The following PACRGL variants were observed in gnomAD, a reference collection of about 807,000 sequenced individuals.
PACRGL encodes the protein PACRG-like protein.
Under a neutral mutation model 34.5 loss-of-function variants are expected in PACRGL, and 38 were observed. The observed-to-expected ratio is 1.10, with a 90% CI of 0.85 to 1.44. The LOEUF is 1.44. Ranked by LOEUF, PACRGL falls within the 40% of genes most tolerant of loss-of-function variation. The pLI is 0.00. For synonymous variants in PACRGL, 128 were observed against 100.1 expected (o/e 1.28, Z -1.66); for missense variants, 305 against 281.4 (o/e 1.08, Z -0.60).
rs1752145630 is a variant in PACRGL, at chr4:20,745,156, T to G, written c.*57-7409T>G. 2.0e-5 allele frequency among the ~76,000 whole-genome samples: 3 copies of G among 152,144 alleles called. No individual in the cohort carries two copies. The South Asian group carries it at 6.2e-4, about 32-fold the overall frequency. On this transcript the variant is annotated intron_variant, in intron 8 of 8. Coordinates refer to the PACRGL transcript ENST00000507634. ...TTGCAGCCCTACAGGGTCCCACCCT[T>G]AGGTTGTAGCCAGCCCCATCTCTGG...
intron 7 of PACRGL, among the ~76,000 whole-genome samples, chr4:20,714,504 A>G (rs1738861563): frequency 6.6e-6 from 1 of 152,050 alleles, no homozygotes; most frequent in African/African-American, 2.4e-5. Flanking sequence ...TTTACATTTA[A>G]AGTTAATATT....
intron 8 of PACRGL, among the ~76,000 whole-genome samples, chr4:20,745,055 G>A (rs985760504): frequency 4.6e-5 from 7 of 152,066 alleles, no homozygotes; most frequent in African/African-American, 1.7e-4. Context: ...TGCTAGGAAT[G>A]GTAGGACAGA....
At chr4:20,749,483 T>C (rs1311596880) in intron 8 of PACRGL, among the ~76,000 whole-genome samples, 3 of 152,146 alleles carry the variant, frequency 2.0e-5, no homozygotes, top group Non-Finnish European at 4.4e-5. Context: ...ATAAACTGAA[T>C]GTGGCTTGCA....
intron 8 of PACRGL, among the ~76,000 whole-genome samples, chr4:20,743,427 G>A (rs1490259845): frequency 6.6e-6 from 1 of 152,108 alleles, no homozygotes; most frequent in Non-Finnish European, 1.5e-5. Context: ...CAGAGATATA[G>A]ACCAATGGAA....
At chr4:20,704,415 A>T in intron 1 of PACRGL, 51 bp from the exon 2 acceptor site, 1 of 1,541,674 alleles carries the variant, frequency 6.5e-7, no homozygotes, top group Non-Finnish European at 8.9e-7. Context: ...TTGATAACAA[A>T]TGCCCCTCCA....
chr4:20,726,052 C>CT (rs1429114931), intron 8 of PACRGL, among the ~76,000 whole-genome samples: 1 of 152,028 alleles, frequency 6.6e-6, no homozygotes, highest in Non-Finnish European at 1.5e-5. Flanking sequence ...GATGCCACAG[C>CT]TTTTCAGTGG....
rs1383637783 is a variant in PACRGL at position 20,725,039 on chromosome 4, A to G, written c.690+151A>G. On this transcript the variant is annotated intron_variant, in intron 8 of 8. Coordinates refer to ENST00000503585, the MANE Select transcript of PACRGL (RefSeq NM_001258345.3). ...TGTTATTTTCCTTTTAGAACTCAAGAGTTTCTGTCTCTAGGTCACACTGTT... is the reference window on the plus strand; with the variant it reads ...TGTTATTTTCCTTTTAGAACTCAAGGGTTTCTGTCTCTAGGTCACACTGTT... The G allele has an allele frequency of 1.2e-5, 6 of 488,228 alleles. No homozygotes were observed. The South Asian group carries it at 2.6e-4, about 21-fold the overall frequency. 30.2% of individuals were successfully genotyped at this position (488,228 alleles called of 1,614,324 possible).
upstream of PACRGL, chr4:20,700,395 C>T (rs901080849): frequency 3.3e-5 from 5 of 152,190 alleles, no homozygotes; most frequent in East Asian, 9.7e-4. Context: ...TTAGACGACG[C>T]AGCGTGCGTC....
chr4:20,749,459 TAAAGCA>T, intron 8 of PACRGL, among the ~76,000 whole-genome samples: 1 of 152,150 alleles, frequency 6.6e-6, no homozygotes, highest in Non-Finnish European at 1.5e-5. Flanking sequence ...TGAGCCGATA[TAAAGCA>T]TTAGAAAATA....
chr4:20,763,817 C>T, the PACRGL span, among the ~76,000 whole-genome samples: 3 of 152,116 alleles, frequency 2.0e-5, no homozygotes, highest in Non-Finnish European at 4.4e-5. Context: ...CTTGGCCTGC[C>T]AAAGTGCTGG....
chr4:20,765,900 G>C, the PACRGL span, among the ~76,000 whole-genome samples: 1 of 152,180 alleles, frequency 6.6e-6, no homozygotes, highest in Non-Finnish European at 1.5e-5. Context: ...GGGGACACAT[G>C]TGAGGGTCAA....
chr4:20,713,887 T>C (rs565984906), intron 7 of PACRGL, among the ~76,000 whole-genome samples: 9 of 152,314 alleles, frequency 5.9e-5, no homozygotes, highest in Admixed American at 5.9e-4. Flanking sequence ...TTCTGTTCTT[T>C]TACATTTGCT....
the PACRGL span, among the ~76,000 whole-genome samples, chr4:20,766,026 A>G: frequency 1.3e-5 from 2 of 152,226 alleles, no homozygotes; most frequent in African/African-American, 4.8e-5. Flanking sequence ...TTGATATTTT[A>G]TAATTATTAA....
At position 20,729,702 on chromosome 4, in the gene PACRGL, T is replaced by C. The variant is rs1445628282; in HGVS notation, c.*2361T>C. ...CAGATGTCACTATATTAGAAAACCA[T>C]TCAAAATCCTAGGACTGAATACATA... On this transcript the variant is annotated 3_prime_UTR_variant, in exon 9 of 9. Transcript: ENST00000503585. 6.1e-6 allele frequency: 1 copy of C among 164,358 alleles called. No homozygotes were observed. Among genetic ancestry groups the C allele is most frequent in the African/African-American group, 2.4e-5 (1 of 41,934 alleles). The allele number at this position is 164,358 out of a possible 1,614,324, so 10.2% of individuals were successfully genotyped here.
intron 8 of PACRGL, among the ~76,000 whole-genome samples, chr4:20,725,693 A>G (rs1025453122): frequency 6.6e-6 from 1 of 152,086 alleles, no homozygotes; most frequent in Admixed American, 6.6e-5. Context: ...ATCATATACA[A>G]TTTTAAAATG....
chr4:20,707,350 C>T (rs925462611), intron 3 of PACRGL, among the ~76,000 whole-genome samples: 1 of 152,194 alleles, frequency 6.6e-6, no homozygotes. Context: ...CTTCAATTCT[C>T]TCCCTCCTGC....
chr4:20,721,986 C>T (rs1467946528), intron 7 of PACRGL, among the ~76,000 whole-genome samples: 2 of 152,234 alleles, frequency 1.3e-5, no homozygotes, highest in Non-Finnish European at 2.9e-5. Flanking sequence ...GTTTGAGCTT[C>T]CCAGCTGCTT....
rs1350969290 is a variant in PACRGL, at chr4:20,748,600, ATATATTC to A, written c.*57-3964_*57-3958del. ...TATATATATATATATATATATATAT[ATATATTC>A]CATAAGTAAATATAAATGTATATAT... On this transcript the variant is annotated intron_variant, in intron 8 of 8. Coordinates refer to the PACRGL transcript ENST00000507634. Among the ~76,000 whole-genome samples the A allele has an allele frequency of 2.7e-3, 291 of 108,664 alleles. 4 individuals carry two copies. The South Asian group carries it at 0.034, about 13-fold the overall frequency. The allele number at this position is 108,664 out of a possible 152,430, so 71.3% of individuals were successfully genotyped here.
At chr4:20,746,089 G>A (rs1560427733) in intron 8 of PACRGL, among the ~76,000 whole-genome samples, 1 of 152,240 alleles carries the variant, frequency 6.6e-6, no homozygotes, top group East Asian at 1.9e-4. Flanking sequence ...TATATGTATT[G>A]CAGCACTATT....
Sources: gnomAD v4.1 joint callset for allele counts (sites outside exome capture counted in the v4.1 genomes callset) on GRCh38, gnomAD v4.1.1 for gene constraint, MANE v1.5 for transcripts, NCBI Gene and HGNC (gene_info 2026-07-23, HGNC 2026-07-21) for gene names.